CHL1: variants seen among roughly 807,000 people sequenced by gnomAD.
The protein encoded by CHL1 is cell adhesion molecule L1 like, also known as neural cell adhesion molecule L1-like protein.
CHL1 carries 96 observed loss-of-function variants against 141.9 expected under a neutral mutation model. The observed-to-expected ratio is 0.68, with a 90% CI of 0.57 to 0.80. The LOEUF (loss-of-function observed/expected upper bound fraction) is 0.80, where lower values mean the gene tolerates loss of function less well. Among genes scored for constraint, CHL1 ranks in the 30% least tolerant of loss-of-function variants. CHL1 has a pLI of 0.00. For missense variants in CHL1, 1,820 were observed against 1,457.2 expected (o/e 1.25, Z -4.05); for synonymous variants, 613 against 502.2 (o/e 1.22, Z -2.95).
intron 11 of CHL1, among the ~76,000 whole-genome samples, chr3:357,455 A>G (rs542848997): frequency 2.9e-4 from 44 of 152,282 alleles, no homozygotes; most frequent in African/African-American, 1.0e-3. Flanking sequence ...AATAGATTCT[A>G]TTATTCTCCA....
At position 328,304 on chromosome 3, in the gene CHL1, C is replaced by T. The variant is rs760897439; in HGVS notation, c.335C>T (p.Ser112Leu). ...HFQGKYRCFA[S>L]NKLGIAMSEE... ...CAAGGGAAATACCGCTGCTTTGCTT[C>T]AAATAAACTGGGAATCGCTATGTCA... The change falls in exon 5 of 28, where the codon TCA becomes TTA. Residue 112 changes from serine (S) to leucine (L), a missense_variant. Ser to Leu is a moderately radical substitution (Grantham distance 145, BLOSUM62 -2). Transcript: ENST00000256509. The T allele has an allele frequency of 4.3e-6, 7 of 1,611,838 alleles. No homozygotes were observed. The East Asian group carries it at 1.3e-4, about 31-fold the overall frequency.
At chr3:310,762 A>G (rs1699689406) in intron 2 of CHL1, among the ~76,000 whole-genome samples, 1 of 152,212 alleles carries the variant, frequency 6.6e-6, no homozygotes, top group Admixed American at 6.5e-5. Context: ...TCTATAGTTT[A>G]CATTCGGGTT....
At chr3:404,521 G>T (rs1201724050) in intron 27 of CHL1, among the ~76,000 whole-genome samples, 2 of 151,976 alleles carry the variant, frequency 1.3e-5, no homozygotes, top group Non-Finnish European at 1.5e-5. Context: ...TTCACTAATG[G>T]ATTTGCTTCT....
chr3:344,729 C>T lies in CHL1; in HGVS notation c.848+20C>T, dbSNP rs374305861. 4.3e-6 allele frequency: 7 copies of T among 1,611,732 alleles called. No homozygotes were observed. In the African/African-American group the frequency reaches 8.0e-5, roughly 18 times the overall value. On this transcript the variant is annotated intron_variant, in intron 9 of 27. Coordinates refer to ENST00000256509, the MANE Select transcript of CHL1 (RefSeq NM_006614.4). ...AGGCTTGTGAGTAACCTGACTCTCA[C>T]TCATGACTTTGTCCATCCAGTTCTG...
At chr3:325,877 G>A in intron 3 of CHL1, 82 bp from the exon 4 acceptor site, 1 of 814,096 alleles carries the variant, frequency 1.2e-6, no homozygotes, top group Non-Finnish European at 2.0e-6. Context: ...GTATACAAAA[G>A]AGGTTTAAAG....
chr3:283,353 C>T (rs142206959), intron 2 of CHL1, among the ~76,000 whole-genome samples: 4 of 152,106 alleles, frequency 2.6e-5, no homozygotes, highest in Non-Finnish European at 5.9e-5. Flanking sequence ...TTAGATAATA[C>T]CAAGAGTATA....
intron 3 of CHL1, among the ~76,000 whole-genome samples, chr3:322,510 A>G (rs1192148517): frequency 6.6e-6 from 1 of 150,972 alleles, no homozygotes; most frequent in African/African-American, 2.4e-5. Context: ...TGCTCTGATG[A>G]TACAAAAGTA....
intron 1 of CHL1, among the ~76,000 whole-genome samples, chr3:206,484 C>T (rs889172113): frequency 6.6e-6 from 1 of 152,004 alleles, no homozygotes; most frequent in African/African-American, 2.4e-5. Flanking sequence ...CTTAATGCAA[C>T]TTTGGGAGGC....
intron 3 of CHL1, 79 bp from the exon 4 acceptor site, chr3:325,880 G>A (rs910708622): frequency 1.3e-5 from 11 of 874,114 alleles, no homozygotes; most frequent in South Asian, 1.6e-5. Flanking sequence ...TACAAAAGAG[G>A]TTTAAAGTGT....
chr3:308,618 G>A (rs1018928358), intron 2 of CHL1: 1 of 149,506 alleles, frequency 6.7e-6, no homozygotes. Flanking sequence ...ACATATATAT[G>A]TTATAATAAT....
rs545764735 is a variant in CHL1 at position 337,949 on chromosome 3, T to A, written c.386-2845T>A. On this transcript the variant is annotated intron_variant, in intron 5 of 27. Coordinates refer to ENST00000256509, the MANE Select transcript of CHL1 (RefSeq NM_006614.4). Reference sequence around the variant, plus strand: ...TCTAGATCCCTGAGGAATAACACTGTCTTCCACAATGGTTGAACCAGTTTA... The same window carrying A: ...TCTAGATCCCTGAGGAATAACACTGACTTCCACAATGGTTGAACCAGTTTA... Among the ~76,000 whole-genome samples, 357 of 152,188 alleles carry A rather than the reference T, an allele frequency of 2.3e-3. 1 individual carries two copies. The highest frequency in any genetic ancestry group is 3.5e-3 in the Non-Finnish European group (238 of 68,004).
intron 1 of CHL1, among the ~76,000 whole-genome samples, chr3:237,000 A>G (rs1692052220): frequency 1.3e-5 from 2 of 152,186 alleles, no homozygotes; most frequent in Admixed American, 6.5e-5. Context: ...TGTTACTGAC[A>G]TAGCAAGGAA....
intron 11 of CHL1, among the ~76,000 whole-genome samples, chr3:358,875 G>A (rs977887555): frequency 2.0e-5 from 3 of 151,198 alleles, no homozygotes; most frequent in Non-Finnish European, 4.4e-5. Context: ...ATCTTGTAAT[G>A]TCCTTTAAAC....
At chr3:403,102 G>A (rs1709274079) in intron 27 of CHL1, among the ~76,000 whole-genome samples, 1 of 152,152 alleles carries the variant, frequency 6.6e-6, no homozygotes, top group Admixed American at 6.6e-5. Flanking sequence ...TGTGGCTGTT[G>A]GCAGGATATA....
intron 12 of CHL1, among the ~76,000 whole-genome samples, chr3:361,459 T>G (rs183732207): frequency 3.3e-5 from 5 of 150,898 alleles, no homozygotes; most frequent in Non-Finnish European, 5.9e-5. Flanking sequence ...AGAAAATTTT[T>G]GCAACCTACT....
chr3:398,732 T>C (rs551437553), intron 25 of CHL1, among the ~76,000 whole-genome samples: 1 of 152,330 alleles, frequency 6.6e-6, no homozygotes, highest in East Asian at 1.9e-4. Flanking sequence ...TTTTGTTTGC[T>C]CCTTGCTGCT....
chr3:291,178 G>T (rs1339920216), intron 2 of CHL1, among the ~76,000 whole-genome samples: 1 of 151,932 alleles, frequency 6.6e-6, no homozygotes, highest in Non-Finnish European at 1.5e-5. Flanking sequence ...AGGTAAAGAG[G>T]AAGAGGTTGG....
chr3:362,935 A>C (rs889960586), intron 13 of CHL1, among the ~76,000 whole-genome samples: 9 of 152,350 alleles, frequency 5.9e-5, no homozygotes, highest in Middle Eastern at 6.8e-3. Flanking sequence ...GAAAATATTT[A>C]TTAAGCTCTG....
At chr3:388,553 A>G (rs1400094070) in intron 19 of CHL1, among the ~76,000 whole-genome samples, 2 of 150,620 alleles carry the variant, frequency 1.3e-5, no homozygotes, top group Non-Finnish European at 3.0e-5. Flanking sequence ...GTCTCAAGAA[A>G]AAAAAAAAAA....
Sources: allele counts gnomAD v4.1 joint callset (sites outside exome capture counted in the v4.1 genomes callset), GRCh38; gene constraint gnomAD v4.1.1; transcripts MANE v1.5; gene names NCBI Gene and HGNC (gene_info 2026-07-23, HGNC 2026-07-21).